The following RTEL1 variants were observed in gnomAD, a reference collection of about 807,000 sequenced individuals.
The protein encoded by RTEL1 is regulator of telomere elongation helicase 1, also known as regulator of telomere length.
RTEL1 carries 86 observed loss-of-function variants against 162.2 expected under a neutral mutation model. That is an observed-to-expected ratio of 0.53 (90% CI 0.45 to 0.63). RTEL1 has a LOEUF of 0.63. Among genes scored for constraint, RTEL1 ranks in the 30% least tolerant of loss-of-function variants. The probability of loss-of-function intolerance (pLI) is 0.00; values close to 1 mark genes in which losing one functional copy is unlikely to be tolerated. For missense variants in RTEL1, 1,941 were observed against 1,750.2 expected (o/e 1.11, Z -1.95); for synonymous variants, 958 against 717.9 (o/e 1.33, Z -5.35).
At chr20:63,694,317 A>AC in intron 30 of RTEL1, 55 bp from the exon 31 acceptor site, 2 of 499,460 alleles carry the variant, frequency 4.0e-6, no homozygotes, top group Non-Finnish European at 4.0e-6. Flanking sequence ...CCCCCACCCC[A>AC]GGGAACTTTC....
At position 63,695,967 on chromosome 20, in the gene RTEL1, C is replaced by A; in HGVS notation, c.*109C>A. ...GAATAGGCCAGCCCATGCCAGCCGG[C>A]TTGGCCCGCTGCAGGCCTCAGGCAG... On this transcript the variant is annotated 3_prime_UTR_variant, in exon 35 of 35. Coordinates refer to ENST00000360203, the MANE Select transcript of RTEL1 (RefSeq NM_001283009.2). 8.8e-7 allele frequency: 1 copy of A among 1,130,116 alleles called. No homozygotes were observed. The highest frequency in any genetic ancestry group is 1.3e-6 in the Non-Finnish European group (1 of 799,942). The allele number at this position is 1,130,116 out of a possible 1,614,324, so 70.0% of individuals were successfully genotyped here.
At position 63,687,699 on chromosome 20, in the gene RTEL1, G is replaced by C; in HGVS notation, c.1410G>C (p.Gln470His). 4 of 1,606,576 alleles carry C rather than the reference G, an allele frequency of 2.5e-6. No homozygotes were observed. Among genetic ancestry groups the C allele is most frequent in the Non-Finnish European group, 3.4e-6 (4 of 1,178,166 alleles). ...PGHSMHELVR[Q>H]GVRSLILTSG... The stretch of plus-strand genomic sequence containing the variant: ...ACAGCATGCACGAGCTGGTCCGCCA[G>C]GGCGTCCGCTCCCTCATCCTTACCA... The change falls in exon 17 of 35, where the codon CAG (glutamine) becomes CAC (histidine). Residue 470 changes from glutamine (Q) to histidine (H), a missense_variant. Physicochemically the swap from Gln to His is conservative, Grantham distance 24. Transcript: ENST00000360203.
At position 63,695,122 on chromosome 20, in the gene RTEL1, G is replaced by C. The variant is rs1455366888; in HGVS notation, c.3400G>C (p.Asp1134His). Residue 1134 changes from aspartate to histidine, a missense_variant, in exon 33 of 35, where the codon GAC (aspartate) becomes CAC (histidine). By Grantham distance (81) the Asp-to-His change is moderately conservative. Transcript: ENST00000360203. The stretch of plus-strand genomic sequence containing the variant: ...GCAGCGCTTCTCACAGACGTGCACA[G>C]ACCTGACCGGCCGGCCCTACCCGGG... ...HKQRFSQTCT[D>H]LTGRPYPGME... The C allele has an allele frequency of 6.2e-7, 1 of 1,612,428 alleles. No individual in the cohort carries two copies. Among genetic ancestry groups the C allele is most frequent in the Non-Finnish European group, 8.5e-7 (1 of 1,179,872 alleles).
Position 63,689,991 on chromosome 20 carries a change from C to T in RTEL1, c.2142-96C>T, listed in dbSNP as rs969095885. On this transcript the variant is annotated intron_variant, in intron 24 of 34. Transcript: ENST00000360203. ...AGCCTCTCCGGCTACTCGGGGTCAG[C>T]GTGGGGCCCCTGCAGCAGATGAGGG... 3.5e-5 allele frequency: 55 copies of T among 1,562,552 alleles called. No individual in the cohort carries two copies. The African/African-American group carries it at 4.7e-4, about 13-fold the overall frequency.
intron 7 of RTEL1, among the ~76,000 whole-genome samples, chr20:63,667,056 G>T (rs1010626092): frequency 1.3e-5 from 2 of 151,594 alleles, no homozygotes; most frequent in Non-Finnish European, 2.9e-5. Context: ...AGCCAGGATG[G>T]TCTCGATCTT....
chr20:63,688,027 G>A lies in RTEL1; in HGVS notation c.1572G>A (p.Gln524=). The part of the protein sequence containing the change: ...GVVPRGPDGA[Q]LSSAFDRRFS... ...TCCCCAGAGGCCCCGATGGAGCCCA[G>A]TTGAGCTCCGCGTTTGACAGACGGT... The change falls in exon 18 of 35, where the codon CAG becomes CAA. Residue 524 remains glutamine, a synonymous_variant. Transcript: ENST00000360203. 6.2e-7 allele frequency: 1 copy of A among 1,612,772 alleles called. No homozygotes were observed. The highest frequency in any genetic ancestry group is 2.2e-5 in the East Asian group (1 of 44,882).
chr20:63,693,149 A>G lies in RTEL1; in HGVS notation c.2858A>G (p.Tyr953Cys). ...GACGCCCCTTCCTCTACAGGCTTCT[A>G]CCAGTTTGTGCGGCCCCACCATAAG... Reference protein sequence around the residue: ...PKKHNLLQGFYQFVRPHHKQQ... With the variant: ...PKKHNLLQGFCQFVRPHHKQQ... The change falls in exon 30 of 35, where the codon TAC (tyrosine) becomes TGC (cysteine). Residue 953 changes from tyrosine to cysteine, a missense_variant. Transcript: ENST00000360203. The G allele has an allele frequency of 1.2e-6, 2 of 1,612,186 alleles. No homozygotes were observed. The highest frequency in any genetic ancestry group is 8.5e-7 in the Non-Finnish European group (1 of 1,179,558).
chr20:63,686,235 C>T (rs976759102), intron 16 of RTEL1: 36 of 330,662 alleles, frequency 1.1e-4, no homozygotes, highest in South Asian at 2.3e-4. Context: ...AGCGCCTGGC[C>T]GGGCCAAGCC....
chr20:63,692,504 A>G lies in RTEL1; in HGVS notation c.2653-301A>G. On this transcript the variant is annotated intron_variant, in intron 28 of 34. Coordinates refer to ENST00000360203, the MANE Select transcript of RTEL1 (RefSeq NM_001283009.2). ...TGTGGGGCAGGGGGCTTGAGGGAGGAGGAGAGAGACGGGCCATGCAGGACC... is the reference window on the plus strand; with the variant it reads ...TGTGGGGCAGGGGGCTTGAGGGAGGGGGAGAGAGACGGGCCATGCAGGACC... 8.6e-6 allele frequency: 4 copies of G among 463,738 alleles called. No individual in the cohort carries two copies. In the South Asian group the frequency reaches 1.0e-4, roughly 12 times the overall value. 28.7% of individuals were successfully genotyped at this position (463,738 alleles called of 1,614,324 possible).
At chr20:63,685,760 G>A (rs2090578549) in intron 15 of RTEL1, 31 bp from the exon 16 acceptor site, 4 of 1,606,368 alleles carry the variant, frequency 2.5e-6, no homozygotes, top group Non-Finnish European at 3.4e-6. Flanking sequence ...CATGGGCGGG[G>A]CCTCCACACT....
At position 63,679,960 on chromosome 20, in the gene RTEL1, C is replaced by T. The variant is rs780834418; in HGVS notation, c.1135+14C>T. ...ACCTGGCAGGACGTGAGTGCTGGCA[C>T]GGGGTCTTTGGTGCGGGCAAATGTG... On this transcript the variant is annotated intron_variant, in intron 13 of 34. Transcript: ENST00000360203. The T allele has an allele frequency of 3.2e-5, 51 of 1,595,634 alleles. No homozygotes were observed. Among genetic ancestry groups the T allele is most frequent in the East Asian group, 1.1e-4 (5 of 44,722 alleles).
At chr20:63,670,901 G>C (rs6062299) in intron 8 of RTEL1, among the ~76,000 whole-genome samples, 38,341 of 151,844 alleles carry the variant, frequency 0.25, 5,440 homozygotes, top group South Asian at 0.36. Flanking sequence ...CTGGGAAGCA[G>C]CCCGCGTGAG....
In RTEL1 at chr20:63,695,401, G is replaced by A. The variant is rs77864051; in HGVS notation, c.3573G>A (p.Gly1191=). The A allele has an allele frequency of 1.7e-5, 27 of 1,558,788 alleles. No individual in the cohort carries two copies. Among genetic ancestry groups the A allele is most frequent in the East Asian group, 2.3e-5 (1 of 44,416 alleles). The change falls in exon 34 of 35, where the codon GGG becomes GGA. Residue 1191 remains glycine (G), a synonymous_variant. Transcript: ENST00000360203. Reference sequence around the variant, plus strand: ...CCTTCCTTAGACAGAGGCCAGCAGGGACTGTGGGGGCGGGCGGTGAGGATG... The same window carrying A: ...CCTTCCTTAGACAGAGGCCAGCAGGAACTGTGGGGGCGGGCGGTGAGGATG... The part of the protein sequence containing the change: ...ISSFLRQRPA[G]TVGAGGEDAG...
In RTEL1 at chr20:63,671,435, G is replaced by A. The variant is rs73317973; in HGVS notation, c.700-1121G>A. On this transcript the variant is annotated intron_variant, in intron 8 of 34. Transcript: ENST00000360203. Reference sequence around the variant, plus strand: ...GGGGTGGGGCTGGTGGTTATATGGTGCACATAACTGCCAGAACTCAGTACA... The same window carrying A: ...GGGGTGGGGCTGGTGGTTATATGGTACACATAACTGCCAGAACTCAGTACA... Among the ~76,000 whole-genome samples, 424 of 152,128 alleles carry A rather than the reference G, an allele frequency of 2.8e-3. 3 individuals are homozygous for A. The highest frequency in any genetic ancestry group is 9.9e-3 in the African/African-American group (409 of 41,486).
Position 63,674,034 on chromosome 20 carries a change from C to G in RTEL1, c.860C>G (p.Thr287Ser), listed in dbSNP as rs561054389. The part of the protein sequence containing the change: ...DVIDQVLEEQ[T>S]KAAQQGEPHP... ...ATAGACCAGGTGCTGGAGGAGCAGA[C>G]CAAGGCAGCGCAGCAGGGTGAGCCC... Residue 287 changes from threonine (T) to serine (S), a missense_variant, in exon 10 of 35, where the codon ACC (threonine) becomes AGC (serine). Coordinates refer to ENST00000360203, the MANE Select transcript of RTEL1 (RefSeq NM_001283009.2). 6.2e-7 allele frequency: 1 copy of G among 1,613,856 alleles called. No homozygotes were observed. The highest frequency in any genetic ancestry group is 1.1e-5 in the South Asian group (1 of 91,082).
chr20:63,690,001 C>T lies in RTEL1; in HGVS notation c.2142-86C>T, dbSNP rs550507239. 1.9e-5 allele frequency: 30 copies of T among 1,570,032 alleles called. No homozygotes were observed. In the South Asian group the frequency reaches 2.8e-4, roughly 15 times the overall value. ...GCTACTCGGGGTCAGCGTGGGGCCC[C>T]TGCAGCAGATGAGGGTCTTCACTTC... On this transcript the variant is annotated intron_variant, in intron 24 of 34. Transcript: ENST00000360203.
chr20:63,664,205 C>CG (rs1329796342), intron 6 of RTEL1, among the ~76,000 whole-genome samples: 5 of 152,044 alleles, frequency 3.3e-5, no homozygotes, highest in East Asian at 3.9e-4. Context: ...GACTCTGGGA[C>CG]GGGGGGTTGG....
rs1435710775 is a variant in RTEL1 at position 63,661,806 on chromosome 20, TTGTC to T, written c.302-41_302-38del. On this transcript the variant is annotated intron_variant, in intron 3 of 34. Coordinates refer to ENST00000360203, the MANE Select transcript of RTEL1 (RefSeq NM_001283009.2). The surrounding 1 kb of genome is among the most constrained non-coding windows in gnomAD (Gnocchi z 5.1). ...CACCTGCCTTTGATACGTGAGAACGTTGTCTGAGAACCGTGACTTCTGTGCTTGC... is the reference window on the plus strand; with the variant it reads ...CACCTGCCTTTGATACGTGAGAACGTTGAGAACCGTGACTTCTGTGCTTGC... 7 of 1,554,090 alleles carry T rather than the reference TTGTC, an allele frequency of 4.5e-6. No homozygotes were observed. The highest frequency in any genetic ancestry group is 5.3e-6 in the Non-Finnish European group (6 of 1,125,614).
chr20:63,689,228 G>A (rs919394309), intron 22 of RTEL1, 96 bp downstream of exon 22: 50 of 1,241,860 alleles, frequency 4.0e-5, no homozygotes, highest in South Asian at 1.3e-4. Flanking sequence ...GGGGCTGCCC[G>A]GTCCCCTCCT....
Sources: allele counts gnomAD v4.1 joint callset (sites outside exome capture counted in the v4.1 genomes callset), GRCh38; gene constraint gnomAD v4.1.1; non-coding constraint Gnocchi (gnomAD v3.1); transcripts MANE v1.5; gene names NCBI Gene and HGNC (gene_info 2026-07-23, HGNC 2026-07-21).